Variants in EPHB1 observed in about 807,000 individuals in gnomAD.
EPHB1 encodes the protein ephrin type-B receptor 1.
EPHB1 carries 30 observed loss-of-function variants against 94.4 expected under a neutral mutation model. The observed-to-expected ratio is 0.32, with a 90% CI of 0.24 to 0.43. EPHB1 has a LOEUF of 0.43. EPHB1 is among the 20% of genes least tolerant of loss of function. The pLI, the probability that EPHB1 is intolerant of heterozygous loss-of-function variation, is 1.00. For missense variants in EPHB1, 1,055 were observed against 1,308.3 expected (o/e 0.81, Z 2.99); for synonymous variants, 522 against 489.1 (o/e 1.07, Z -0.89).
At chr3:134,873,791 A>C (rs2037552790) in intron 1 of EPHB1, among the ~76,000 whole-genome samples, 1 of 152,224 alleles carries the variant, frequency 6.6e-6, no homozygotes, top group African/African-American at 2.4e-5. Context: ...AGGGCAATGG[A>C]GGGGTCTCCA....
At chr3:135,166,291 C>T (rs1309935012) in intron 8 of EPHB1, among the ~76,000 whole-genome samples, 1 of 152,166 alleles carries the variant, frequency 6.6e-6, no homozygotes, top group Admixed American at 6.5e-5. Flanking sequence ...AAACAGCATC[C>T]ATCCTCAAAC....
intron 1 of EPHB1, among the ~76,000 whole-genome samples, chr3:134,819,853 C>T (rs552799841): frequency 6.6e-5 from 10 of 152,346 alleles, no homozygotes; most frequent in African/African-American, 1.2e-4. Flanking sequence ...CCATCCCATA[C>T]TTCTTGCTCT....
intron 3 of EPHB1, among the ~76,000 whole-genome samples, chr3:135,091,584 G>A (rs966397191): frequency 8.5e-5 from 13 of 152,164 alleles, no homozygotes; most frequent in African/African-American, 2.9e-4. Context: ...GTCTTTTCCA[G>A]CCCTGTCTGT....
At chr3:134,847,114 T>G (rs2036890203) in intron 1 of EPHB1, among the ~76,000 whole-genome samples, 2 of 151,816 alleles carry the variant, frequency 1.3e-5, no homozygotes, top group African/African-American at 4.8e-5. Context: ...AACGTGGCCT[T>G]CCCTGTGGAA....
intron 6 of EPHB1, 48 bp downstream of exon 6, chr3:135,154,324 G>C: frequency 6.2e-7 from 1 of 1,610,656 alleles, no homozygotes; most frequent in Non-Finnish European, 8.5e-7. Context: ...GCCAGCCACT[G>C]TTCCATGGAT....
intron 1 of EPHB1, among the ~76,000 whole-genome samples, chr3:134,808,007 C>T (rs1017119435): frequency 7.2e-5 from 11 of 152,176 alleles, no homozygotes. Flanking sequence ...ATGAATTCAA[C>T]AAGAAGGCAG....
chr3:135,053,025 G>GTATATATATATATATATATATA (rs1389207071), intron 3 of EPHB1, among the ~76,000 whole-genome samples: 3 of 90,638 alleles, frequency 3.3e-5, no homozygotes, highest in Non-Finnish European at 6.1e-5. Flanking sequence ...GTGTGTGTGT[G>GTATATATATATATATATATATA]TGTATATATA....
chr3:134,974,706 G>A (rs770463572), intron 3 of EPHB1, among the ~76,000 whole-genome samples: 1 of 152,176 alleles, frequency 6.6e-6, no homozygotes, highest in Non-Finnish European at 1.5e-5. Context: ...ATGGCCTCTT[G>A]TTGGCACCTG....
At chr3:135,113,088 G>A (rs918784285) in intron 4 of EPHB1, among the ~76,000 whole-genome samples, 3 of 152,218 alleles carry the variant, frequency 2.0e-5, no homozygotes, top group Non-Finnish European at 2.9e-5. Flanking sequence ...TCTCCTTGAG[G>A]TGAACTTCAG....
intron 12 of EPHB1, among the ~76,000 whole-genome samples, chr3:135,217,127 C>T (rs1362012793): frequency 6.6e-6 from 1 of 152,134 alleles, no homozygotes; most frequent in African/African-American, 2.4e-5. Flanking sequence ...CTAGACCTGA[C>T]CTGCACAGGA....
At chr3:135,091,413 T>C (rs1938546875) in intron 3 of EPHB1, among the ~76,000 whole-genome samples, 1 of 152,184 alleles carries the variant, frequency 6.6e-6, no homozygotes, top group Non-Finnish European at 1.5e-5. Flanking sequence ...CACAGGTAGT[T>C]TGTGCCTGGA....
intron 3 of EPHB1, among the ~76,000 whole-genome samples, chr3:134,970,239 T>A (rs1933914711): frequency 6.6e-6 from 1 of 152,218 alleles, no homozygotes; most frequent in South Asian, 2.1e-4. Context: ...TCTTCTAAAG[T>A]TTTATGTTTT....
intron 12 of EPHB1, among the ~76,000 whole-genome samples, chr3:135,224,083 C>A (rs1201278848): frequency 1.3e-5 from 2 of 152,158 alleles, no homozygotes; most frequent in African/African-American, 2.4e-5. Context: ...TATTGTGTTA[C>A]AATTGCCAAC....
At chr3:135,148,681 A>G (rs1258620872) in intron 5 of EPHB1, among the ~76,000 whole-genome samples, 2 of 152,212 alleles carry the variant, frequency 1.3e-5, no homozygotes, top group Non-Finnish European at 2.9e-5. Flanking sequence ...AGGCAAGAAC[A>G]TTCTGTGCTC....
At chr3:134,888,935 A>G (rs965460420) in intron 1 of EPHB1, among the ~76,000 whole-genome samples, 2 of 152,040 alleles carry the variant, frequency 1.3e-5, no homozygotes, top group African/African-American at 4.8e-5. Flanking sequence ...AAAAGTTCTG[A>G]GCCTGGAGGA....
intron 3 of EPHB1, among the ~76,000 whole-genome samples, chr3:135,095,835 C>A (rs1277592928): frequency 1.3e-5 from 2 of 152,330 alleles, no homozygotes; most frequent in Middle Eastern, 6.8e-3. Context: ...ACTTACCTTA[C>A]CTCTGCCTGT....
intron 5 of EPHB1, among the ~76,000 whole-genome samples, chr3:135,151,223 T>C (rs781604873): frequency 1.2e-4 from 19 of 152,124 alleles, no homozygotes; most frequent in Admixed American, 2.6e-4. Context: ...CACCGTGCCT[T>C]GTTGACAGTC....
At chr3:135,235,096 T>A (rs541889995) in intron 12 of EPHB1, among the ~76,000 whole-genome samples, 39 of 152,238 alleles carry the variant, frequency 2.6e-4, no homozygotes, top group South Asian at 1.2e-3. Flanking sequence ...TTTTTGTTAG[T>A]GCCTTGAGTA....
chr3:135,143,520 A>G (rs1940900432), intron 5 of EPHB1, among the ~76,000 whole-genome samples: 1 of 152,166 alleles, frequency 6.6e-6, no homozygotes, highest in Non-Finnish European at 1.5e-5. Flanking sequence ...GGGGCACACA[A>G]CTTGCGGTGG....
Sources: allele counts gnomAD v4.1 joint callset (sites outside exome capture counted in the v4.1 genomes callset), GRCh38; gene constraint gnomAD v4.1.1; transcripts MANE v1.5; gene names NCBI Gene and HGNC (gene_info 2026-07-23, HGNC 2026-07-21).